The following ARNT2 variants were observed in gnomAD, a reference collection of about 807,000 sequenced individuals.
ARNT2 encodes aryl hydrocarbon receptor nuclear translocator 2.
In ARNT2, 36 loss-of-function variants were observed where a neutral mutation model predicts 91.7. The observed-to-expected ratio is 0.39, with a 90% CI of 0.30 to 0.52. ARNT2 has a LOEUF of 0.52. Ranked by LOEUF, ARNT2 falls within the 20% of genes least tolerant of loss-of-function variation. ARNT2 has a pLI of 0.72. For missense variants in ARNT2, 775 were observed against 939.3 expected, an observed-to-expected ratio of 0.83 and a Z score of 2.29; for synonymous variants, 365 against 347.1, an observed-to-expected ratio of 1.05 and a Z score of -0.57.
At chr15:80,571,376 G>T (rs1032741198) in intron 12 of ARNT2, among the ~76,000 whole-genome samples, 2 of 152,174 alleles carry the variant, frequency 1.3e-5, no homozygotes, top group Non-Finnish European at 2.9e-5. Context: ...TGCATCTTTT[G>T]TGTAATCCAA....
At chr15:80,417,367 T>A (rs1158084347) in intron 1 of ARNT2, among the ~76,000 whole-genome samples, 1 of 152,192 alleles carries the variant, frequency 6.6e-6, no homozygotes, top group Non-Finnish European at 1.5e-5. Flanking sequence ...GAAAACAAAT[T>A]TGCGTTTTAC....
intron 11 of ARNT2, chr15:80,555,462 G>A (rs1424192603): frequency 3.3e-6 from 1 of 298,976 alleles, no homozygotes; most frequent in Non-Finnish European, 6.4e-6. Flanking sequence ...GGGTCTTAAA[G>A]GATGAGCATA....
intron 1 of ARNT2, among the ~76,000 whole-genome samples, chr15:80,450,209 G>T (rs1896365519): frequency 6.6e-6 from 1 of 152,216 alleles, no homozygotes; most frequent in African/African-American, 2.4e-5. Flanking sequence ...TTTAGTAATA[G>T]ACCTTCTTAT....
rs60224399 is a variant in ARNT2, at chr15:80,484,182, C to CAAA, written c.622+8970_622+8972dup. Among the ~76,000 whole-genome samples, 1,048 of 123,606 alleles carry CAAA rather than the reference C, an allele frequency of 8.5e-3. 12 individuals carry two copies. Among genetic ancestry groups the CAAA allele is most frequent in the African/African-American group, 0.028 (983 of 35,572 alleles). The allele number at this position is 123,606 out of a possible 152,430, so 81.1% of individuals were successfully genotyped here. On this transcript the variant is annotated intron_variant, in intron 5 of 18. Transcript: ENST00000303329. The stretch of plus-strand genomic sequence containing the variant: ...TATTAGGTAACATATATAAATGTGG[C>CAAA]AAAAAAAAAAAAACAACTTGATTTG...
chr15:80,550,302 C>T (rs1898061100), intron 8 of ARNT2, among the ~76,000 whole-genome samples: 1 of 152,152 alleles, frequency 6.6e-6, no homozygotes, highest in South Asian at 2.1e-4. Flanking sequence ...GCTCACAAAA[C>T]CATAGTGATA....
At chr15:80,565,341 T>C (rs1172762861) in intron 12 of ARNT2, among the ~76,000 whole-genome samples, 2 of 152,170 alleles carry the variant, frequency 1.3e-5, no homozygotes. Flanking sequence ...GGTAGAACAA[T>C]TTATTTTCCT....
At chr15:80,535,291 T>C (rs1320690957) in intron 8 of ARNT2, among the ~76,000 whole-genome samples, 1 of 152,222 alleles carries the variant, frequency 6.6e-6, no homozygotes, top group Non-Finnish European at 1.5e-5. Flanking sequence ...GCAATCGTTA[T>C]GTCAGTGCTC....
chr15:80,477,571 A>G (rs991587262), intron 5 of ARNT2, among the ~76,000 whole-genome samples: 4 of 152,166 alleles, frequency 2.6e-5, no homozygotes, highest in African/African-American at 9.7e-5. Context: ...GGAGATGGCC[A>G]CCTTCTTGCA....
At chr15:80,559,237 G>A (rs542507078) in intron 11 of ARNT2, among the ~76,000 whole-genome samples, 1 of 152,346 alleles carries the variant, frequency 6.6e-6, no homozygotes, top group East Asian at 1.9e-4. Context: ...CTGATATCCA[G>A]GTTAAGTAAC....
chr15:80,446,212 T>G (rs764347971), intron 1 of ARNT2, among the ~76,000 whole-genome samples: 1 of 152,100 alleles, frequency 6.6e-6, no homozygotes, highest in Non-Finnish European at 1.5e-5. Context: ...ACAGGTATAA[T>G]GTCTGCTTGG....
At chr15:80,426,968 T>C (rs75736924) in intron 1 of ARNT2, among the ~76,000 whole-genome samples, 18,371 of 152,144 alleles carry the variant, frequency 0.12, 1,400 homozygotes, top group Non-Finnish European at 0.17. Context: ...CATCCTATCA[T>C]GGAAGCTCCA....
intron 17 of ARNT2, 39 bp downstream of exon 17, chr15:80,581,443 A>G (rs770164637): frequency 1.9e-6 from 3 of 1,611,908 alleles, no homozygotes; most frequent in Non-Finnish European, 8.5e-7. Flanking sequence ...TGGGAAAGCC[A>G]GCACAAATGC....
intron 17 of ARNT2, among the ~76,000 whole-genome samples, chr15:80,585,037 C>A (rs965538670): frequency 6.6e-6 from 1 of 152,222 alleles, no homozygotes; most frequent in African/African-American, 2.4e-5. Context: ...TGAGAAAAAA[C>A]GCCCCTGCCT....
At chr15:80,407,698 G>A (rs558143144) in intron 1 of ARNT2, among the ~76,000 whole-genome samples, 41 of 149,902 alleles carry the variant, frequency 2.7e-4, no homozygotes, top group South Asian at 2.5e-3. Flanking sequence ...AGAATCTTCC[G>A]TTTTGTGTGT....
intron 16 of ARNT2, chr15:80,581,029 T>C (rs1898787562): frequency 1.6e-6 from 1 of 617,452 alleles, no homozygotes; most frequent in Non-Finnish European, 2.8e-6. Flanking sequence ...GGGGAGTAAC[T>C]TCAACCAGAC....
intron 8 of ARNT2, among the ~76,000 whole-genome samples, chr15:80,536,150 G>A (rs4778805): frequency 0.39 from 59,295 of 151,776 alleles, 12,184 homozygotes; most frequent in African/African-American, 0.5. Flanking sequence ...GGACACAGAG[G>A]CACGTGGAGT....
intron 9 of ARNT2, among the ~76,000 whole-genome samples, chr15:80,551,550 C>G (rs1048733251): frequency 6.6e-6 from 1 of 152,206 alleles, no homozygotes; most frequent in African/African-American, 2.4e-5. Flanking sequence ...CACATCACAT[C>G]CCTGCTTAAC....
intron 3 of ARNT2, among the ~76,000 whole-genome samples, chr15:80,460,991 A>G (rs1362806324): frequency 6.6e-6 from 1 of 152,142 alleles, no homozygotes; most frequent in African/African-American, 2.4e-5. Flanking sequence ...GGTGCATCAG[A>G]AGTGGAGGGA....
intron 5 of ARNT2, among the ~76,000 whole-genome samples, chr15:80,499,986 C>T (rs115120314): frequency 7.8e-4 from 118 of 152,246 alleles, no homozygotes; most frequent in East Asian, 2.9e-3. Flanking sequence ...TGGCTGCAAC[C>T]GGTGAATTGA....
Sources: gnomAD v4.1 joint callset for allele counts (sites outside exome capture counted in the v4.1 genomes callset) on GRCh38, gnomAD v4.1.1 for gene constraint, MANE v1.5 for transcripts, NCBI Gene and HGNC (gene_info 2026-07-23, HGNC 2026-07-21) for gene names.